PKHD1: variants seen among roughly 807,000 people sequenced by gnomAD.
The protein encoded by PKHD1 is PKHD1 ciliary IPT domain containing fibrocystin/polyductin, also known as fibrocystin.
A neutral mutation model predicts 412.0 loss-of-function variants in PKHD1; 291 were observed. That is an observed-to-expected ratio of 0.71 (90% CI 0.64 to 0.78). The LOEUF (loss-of-function observed/expected upper bound fraction) is 0.78, where lower values mean the gene tolerates loss of function less well. Ranked by LOEUF, PKHD1 falls within the 30% of genes least tolerant of loss-of-function variation. PKHD1 has a pLI of 0.00. For missense variants in PKHD1, 4,825 were observed against 4,950.7 expected (o/e 0.97, Z 0.76); for synonymous variants, 1,777 against 1,821.5 (o/e 0.98, Z 0.62).
At position 52,072,262 on chromosome 6, in the gene PKHD1, AAACTCAGAGGAAACATGGCTATG is replaced by A. The variant is rs1810733876; in HGVS notation, c.528-96_528-74del. ...ATACTCCCAATAAACATTCCTCACA[AAACTCAGAGGAAACATGGCTATG>A]AACACTCTCCTCTGGATTTTTCTGC... On this transcript the variant is annotated intron_variant, in intron 7 of 66. Transcript: ENST00000371117. 2.4e-5 allele frequency: 23 copies of A among 949,344 alleles called. No individual in the cohort carries two copies. In the South Asian group the frequency reaches 3.0e-4, roughly 13 times the overall value. 58.8% of individuals were successfully genotyped at this position (949,344 alleles called of 1,614,324 possible).
At chr6:51,684,387 A>T (rs1365788903) in intron 60 of PKHD1, among the ~76,000 whole-genome samples, 1 of 152,104 alleles carries the variant, frequency 6.6e-6, no homozygotes, top group African/African-American at 2.4e-5. Context: ...GTCTCATACA[A>T]TATCCATGTT....
At chr6:51,888,738 G>A (rs1451809396) in intron 43 of PKHD1, among the ~76,000 whole-genome samples, 1 of 151,086 alleles carries the variant, frequency 6.6e-6, no homozygotes, top group Non-Finnish European at 1.5e-5. Context: ...ATAACATGTT[G>A]GCTATTCTAT....
chr6:51,820,832 G>A lies in PKHD1; in HGVS notation c.8302+10029C>T, dbSNP rs977013915. Among the ~76,000 whole-genome samples the A allele has an allele frequency of 2.6e-5, 4 of 152,134 alleles. No homozygotes were observed. The South Asian group carries it at 6.2e-4, about 24-fold the overall frequency. ...CTCTGTACATGAGGAAACTCCAAAAGCTCCCTCAAGGGAGTATAATCAACT... is the reference window on the plus strand; with the variant it reads ...CTCTGTACATGAGGAAACTCCAAAAACTCCCTCAAGGGAGTATAATCAACT... On this transcript the variant is annotated intron_variant, in intron 52 of 66. Transcript: ENST00000371117.
At chr6:51,758,037 AGAGAGAGAGAGAGAG>A (rs1302630643) in intron 55 of PKHD1, among the ~76,000 whole-genome samples, 2 of 150,938 alleles carry the variant, frequency 1.3e-5, no homozygotes, top group African/African-American at 4.9e-5. Context: ...AGAGAGAGAG[AGAGAGAGAGAGAGAG>A]AAAACAAAGC....
rs906413182 is a variant in PKHD1 at position 52,083,204 on chromosome 6, C to T, written c.104G>A (p.Gly35Glu). The change falls in exon 3 of 67, where the codon GGA becomes GAA. Residue 35 changes from glycine to glutamate, a missense_variant. Transcript: ENST00000371117. ...ATCAAAAATGACTGTGATCCACGTTCCCCCTGCAAGGCTACCTTCTTCAGG... is the reference window on the plus strand; with the variant it reads ...ATCAAAAATGACTGTGATCCACGTTTCCCCTGCAAGGCTACCTTCTTCAGG... ...IEPEEGSLAGGTWITVIFDGL... is the reference protein window; with the variant it reads ...IEPEEGSLAGETWITVIFDGL... The T allele has an allele frequency of 5.0e-6, 8 of 1,611,202 alleles. No homozygotes were observed. The highest frequency in any genetic ancestry group is 1.3e-5 in the African/African-American group (1 of 74,880).
At chr6:51,746,446 T>A (rs1785203909) in intron 59 of PKHD1, among the ~76,000 whole-genome samples, 3 of 152,186 alleles carry the variant, frequency 2.0e-5, no homozygotes. Flanking sequence ...TCTGCCTCTT[T>A]CATCAGCTAA....
chr6:52,008,745 G>A (rs886088198), intron 35 of PKHD1, among the ~76,000 whole-genome samples: 1 of 151,894 alleles, frequency 6.6e-6, no homozygotes, highest in African/African-American at 2.4e-5. Flanking sequence ...CCTATGAAGT[G>A]GGAACTATTA....
At chr6:51,842,509 C>A (rs890912142) in intron 50 of PKHD1, among the ~76,000 whole-genome samples, 3 of 152,144 alleles carry the variant, frequency 2.0e-5, no homozygotes, top group African/African-American at 7.2e-5. Flanking sequence ...CTGCTGGAAC[C>A]CCACTGACTC....
At chr6:52,062,467 T>A in intron 14 of PKHD1, 52 bp downstream of exon 14, 1 of 1,596,102 alleles carries the variant, frequency 6.3e-7, no homozygotes, top group Non-Finnish European at 8.6e-7. Flanking sequence ...TAGCCTCACC[T>A]AGGTTAGCAA....
chr6:51,627,681 T>C (rs572357146), intron 65 of PKHD1, among the ~76,000 whole-genome samples: 1 of 152,228 alleles, frequency 6.6e-6, no homozygotes, highest in Non-Finnish European at 1.5e-5. Flanking sequence ...TCACCCAGCC[T>C]TCTCCATTGT....
At position 51,681,680 on chromosome 6, in the gene PKHD1, G is replaced by A. The variant is rs756066629; in HGVS notation, c.10157-21711C>T. On this transcript the variant is annotated intron_variant, in intron 60 of 66. Coordinates refer to ENST00000371117, the MANE Select transcript of PKHD1 (RefSeq NM_138694.4). ...ATTAACCATTGAGCAGAGGTAACTA[G>A]TGTCCCTTTTGGGCCATACTATTTA... 1.6e-4 allele frequency among the ~76,000 whole-genome samples: 25 copies of A among 151,996 alleles called. 1 individual carries two copies. Among genetic ancestry groups the A allele is most frequent in the African/African-American group, 2.4e-5 (1 of 41,402 alleles).
chr6:52,034,400 C>A (rs1235749319), intron 28 of PKHD1, among the ~76,000 whole-genome samples: 1 of 151,978 alleles, frequency 6.6e-6, no homozygotes, highest in Non-Finnish European at 1.5e-5. Context: ...TTAACCTATG[C>A]ATCTATCACT....
intron 36 of PKHD1, among the ~76,000 whole-genome samples, chr6:51,937,865 A>G (rs1787770946): frequency 6.6e-6 from 1 of 152,136 alleles, no homozygotes; most frequent in South Asian, 2.1e-4. Flanking sequence ...CACACTCACC[A>G]TCTTCGCTTC....
intron 36 of PKHD1, among the ~76,000 whole-genome samples, chr6:51,950,243 A>ATAT (rs1790158728): frequency 6.8e-6 from 1 of 146,326 alleles, no homozygotes; most frequent in South Asian, 2.1e-4. Flanking sequence ...ATATATATGA[A>ATAT]ATAAAATCAC....
chr6:51,830,929 A>G lies in PKHD1; in HGVS notation c.8234T>C (p.Val2745Ala). 1 of 1,612,356 alleles carries G rather than the reference A, an allele frequency of 6.2e-7. No individual in the cohort carries two copies. Among genetic ancestry groups the G allele is most frequent in the Non-Finnish European group, 8.5e-7 (1 of 1,178,598 alleles). Residue 2745 changes from valine to alanine, a missense_variant, in exon 52 of 67, where the codon GTT becomes GCT. Val to Ala is a moderately conservative substitution (Grantham distance 64, BLOSUM62 0). Coordinates refer to ENST00000371117, the MANE Select transcript of PKHD1 (RefSeq NM_138694.4). Reference sequence around the variant, plus strand: ...GTTGTATCCTCCCCAGCCTTCTTCAACACCTTGCCATGTTTCAGGGAGGGA... The same window carrying G: ...GTTGTATCCTCCCCAGCCTTCTTCAGCACCTTGCCATGTTTCAGGGAGGGA... ...KWSLPETWQG[V>A]EEGWGGYNNT... is the part of the protein sequence containing the mutation.
intron 53 of PKHD1, among the ~76,000 whole-genome samples, chr6:51,785,350 C>G (rs1016215462): frequency 6.6e-6 from 1 of 152,114 alleles, no homozygotes; most frequent in African/African-American, 2.4e-5. Context: ...TCATTTTCAA[C>G]CATGAAATTC....
In PKHD1 at chr6:51,659,564, T is replaced by C; in HGVS notation, c.10562A>G (p.Gln3521Arg). The C allele has an allele frequency of 1.2e-6, 2 of 1,613,768 alleles. No homozygotes were observed. Among genetic ancestry groups the C allele is most frequent in the Non-Finnish European group, 1.7e-6 (2 of 1,179,856 alleles). ...GESFIPPTLV[Q>R]SASLLLNESI... is the part of the protein sequence containing the mutation. ...TTCATTCAGCAATAAGGAAGCTGACTGAACCAGAGTGGGTGGAATAAAACT... is the reference window on the plus strand; with the variant it reads ...TTCATTCAGCAATAAGGAAGCTGACCGAACCAGAGTGGGTGGAATAAAACT... The change falls in exon 61 of 67, where the codon CAG becomes CGG. Residue 3521 changes from glutamine to arginine, a missense_variant. Physicochemically the swap from Gln to Arg is conservative, Grantham distance 43. Coordinates refer to ENST00000371117, the MANE Select transcript of PKHD1 (RefSeq NM_138694.4).
intron 55 of PKHD1, among the ~76,000 whole-genome samples, chr6:51,766,887 T>C (rs1187753040): frequency 6.6e-6 from 1 of 152,078 alleles, no homozygotes; most frequent in African/African-American, 2.4e-5. Flanking sequence ...ATCTATTATT[T>C]ACTGCTGTGG....
chr6:52,035,786 G>A, intron 27 of PKHD1, 65 bp from the exon 28 acceptor site: 1 of 1,434,848 alleles, frequency 7.0e-7, no homozygotes, highest in Non-Finnish European at 9.8e-7. Flanking sequence ...AATTAATTAT[G>A]CACAAGATGG....
Sources: gnomAD v4.1 joint callset for allele counts (sites outside exome capture counted in the v4.1 genomes callset) on GRCh38, gnomAD v4.1.1 for gene constraint, MANE v1.5 for transcripts, NCBI Gene and HGNC (gene_info 2026-07-23, HGNC 2026-07-21) for gene names.